Variants in CASZ1 observed in about 807,000 individuals in gnomAD.
CASZ1 encodes castor zinc finger 1.
Under a neutral mutation model 135.2 loss-of-function variants are expected in CASZ1, and 28 were observed. The ratio of observed to expected loss-of-function variants is 0.21; its 90% CI spans 0.15 to 0.28. The LOEUF is 0.28. Among genes scored for constraint, CASZ1 ranks in the 10% least tolerant of loss-of-function variants. The pLI is 1.00. For missense variants in CASZ1, 2,161 were observed against 2,453.3 expected (o/e 0.88, Z 2.52); for synonymous variants, 1,068 against 1,073.4 (o/e 0.99, Z 0.10).
Position 10,653,862 on chromosome 1 carries a change from C to A in CASZ1, c.2195G>T (p.Ser732Ile). Reference sequence around the variant, plus strand: ...GGCGCTCAGGCTGGAGTTCTTGCTGCTCAGGGCGGAGAAGTCAACAAGGTC... The same window carrying A: ...GGCGCTCAGGCTGGAGTTCTTGCTGATCAGGGCGGAGAAGTCAACAAGGTC... Reference protein sequence around the residue: ...NDDLVDFSALSSKNSSLSASP... With the variant: ...NDDLVDFSALISKNSSLSASP... The change falls in exon 11 of 21, where the codon AGC becomes ATC. Residue 732 changes from serine to isoleucine, a missense_variant. Ser to Ile is a moderately radical substitution (Grantham distance 142). Transcript: ENST00000377022. The A allele has an allele frequency of 7.4e-6, 12 of 1,611,862 alleles. No individual in the cohort carries two copies. The highest frequency in any genetic ancestry group is 1.0e-5 in the Non-Finnish European group (12 of 1,178,560).
chr1:10,664,566 A>G (rs1643165117), intron 5 of CASZ1, among the ~76,000 whole-genome samples: 1 of 151,754 alleles, frequency 6.6e-6, no homozygotes, highest in African/African-American at 2.4e-5. Context: ...TAGGGAAGGA[A>G]GAGGAGGCCA....
At position 10,700,080 on chromosome 1, in the gene CASZ1, GACACACAC is replaced by G. The variant is rs572824153; in HGVS notation, c.-24+5404_-24+5411del. Reference sequence around the variant, plus strand: ...AGACAGAGAGAGAAAGAGAGATAGAGACACACACACACACACACACACACACACACACA... The same window carrying G: ...AGACAGAGAGAGAAAGAGAGATAGAGACACACACACACACACACACACACA... On this transcript the variant is annotated intron_variant, in intron 3 of 20. Transcript: ENST00000377022. The surrounding 1 kb of genome is among the most constrained non-coding windows in gnomAD (Gnocchi z 4.2). Among the ~76,000 whole-genome samples the G allele has an allele frequency of 1.9e-3, 251 of 134,080 alleles. 3 individuals are homozygous for G. The highest frequency in any genetic ancestry group is 2.7e-3 in the Non-Finnish European group (171 of 62,390). The allele number at this position is 134,080 out of a possible 152,430, so 88.0% of individuals were successfully genotyped here.
chr1:10,642,509 G>A (rs977949552), intron 20 of CASZ1, among the ~76,000 whole-genome samples: 12 of 152,002 alleles, frequency 7.9e-5, no homozygotes, highest in African/African-American at 2.9e-4. Context: ...GCGGGGCAGT[G>A]CCAGGGGTCA....
Position 10,714,750 on chromosome 1 carries a change from A to C in CASZ1, c.-76-9206T>G, listed in dbSNP as rs1182267187. On this transcript the variant is annotated intron_variant, in intron 2 of 20. Coordinates refer to ENST00000377022, the MANE Select transcript of CASZ1 (RefSeq NM_001079843.3). ...ACTCTCTAATCAGGCTGCAGGACAA[A>C]GGTCTGGCCTGACCCTGTCACTTCC... Among the ~76,000 whole-genome samples the C allele has an allele frequency of 6.6e-4, 101 of 152,186 alleles. 4 individuals carry two copies. Among genetic ancestry groups the C allele is most frequent in the Admixed American group, 6.6e-3 (101 of 15,292 alleles).
rs1202746101 is a variant in CASZ1, at chr1:10,735,635, G to A, written c.-77+25066C>T. 1.3e-5 allele frequency among the ~76,000 whole-genome samples: 2 copies of A among 152,196 alleles called. No homozygotes were observed. Among genetic ancestry groups the A allele is most frequent in the African/African-American group, 2.4e-5 (1 of 41,444 alleles). ...TTTACCCATCCCAAATGACTCTCCC[G>A]GTTTCTGTGCCCTGAGCTCTCAGAG... On this transcript the variant is annotated intron_variant, in intron 2 of 20. Transcript: ENST00000377022. This position sits in a 1 kb window ranked among gnomAD's most constrained non-coding sequence, Gnocchi z 5.1.
In CASZ1 at chr1:10,729,265, C is replaced by T. The variant is rs532877143; in HGVS notation, c.-76-23721G>A. ...GCGCTGGCGCTAATGGGAAGCAAGA[C>T]GGCTGCAGGGGGGCTTCCTGGGGGA... On this transcript the variant is annotated intron_variant, in intron 2 of 20. Transcript: ENST00000377022. Among the ~76,000 whole-genome samples the T allele has an allele frequency of 2.0e-5, 3 of 152,262 alleles. No individual in the cohort carries two copies. The East Asian group carries it at 5.8e-4, about 29-fold the overall frequency.
At chr1:10,683,330 A>G (rs918221031) in intron 4 of CASZ1, among the ~76,000 whole-genome samples, 10 of 152,116 alleles carry the variant, frequency 6.6e-5, no homozygotes, top group African/African-American at 2.4e-4. Flanking sequence ...ATTACAACCA[A>G]GCAAAGACCT....
At chr1:10,696,016 C>A (rs768192669) in intron 3 of CASZ1, among the ~76,000 whole-genome samples, 1 of 152,322 alleles carries the variant, frequency 6.6e-6, no homozygotes, top group Non-Finnish European at 1.5e-5. Flanking sequence ...CCAGGCTTCC[C>A]TGGTCTTTGG....
chr1:10,740,720 G>A (rs986331075), intron 2 of CASZ1, among the ~76,000 whole-genome samples: 18 of 152,280 alleles, frequency 1.2e-4, no homozygotes, highest in African/African-American at 4.1e-4. Context: ...ATGCCAAGGC[G>A]GGTGGATTGC....
intron 1 of CASZ1, among the ~76,000 whole-genome samples, chr1:10,785,094 CCT>C (rs1259777129): frequency 1.6e-4 from 7 of 42,918 alleles, no homozygotes; most frequent in Non-Finnish European, 2.2e-4. Context: ...TCCTTCCTTT[CCT>C]CTCTTTCTTT....
chr1:10,785,127 T>TCC, intron 1 of CASZ1, among the ~76,000 whole-genome samples: 3 of 147,966 alleles, frequency 2.0e-5, no homozygotes, highest in African/African-American at 7.5e-5. Flanking sequence ...CTTCTTTCCT[T>TCC]TCTTCCTTCC....
In CASZ1 at chr1:10,707,354, G is replaced by A. The variant is rs529250938; in HGVS notation, c.-76-1810C>T. 3.3e-5 allele frequency among the ~76,000 whole-genome samples: 5 copies of A among 152,138 alleles called. No homozygotes were observed. Among genetic ancestry groups the A allele is most frequent in the Non-Finnish European group, 4.4e-5 (3 of 68,040 alleles). On this transcript the variant is annotated intron_variant, in intron 2 of 20. Transcript: ENST00000377022. The surrounding 1 kb of genome is among the most constrained non-coding windows in gnomAD (Gnocchi z 5.0). ...TAACGACTTGCAGCGCGGTGTTGCCGTCCCCAACCACCCCTGTTTTCTGAC... is the reference window on the plus strand; with the variant it reads ...TAACGACTTGCAGCGCGGTGTTGCCATCCCCAACCACCCCTGTTTTCTGAC...
Position 10,659,772 on chromosome 1 carries a change from T to G in CASZ1, c.1270A>C (p.Thr424Pro). The G allele has an allele frequency of 6.2e-7, 1 of 1,612,822 alleles. No homozygotes were observed. The highest frequency in any genetic ancestry group is 8.5e-7 in the Non-Finnish European group (1 of 1,179,688). ...AAGGTTGACTTCAGGTACTCGGGAG[T>G]GTTGAAGGACAGGGAGGCAGGAGGC... ...PEPPASLSFN[T>P]PEYLKSTFSK... Residue 424 changes from threonine to proline, a missense_variant, in exon 6 of 21, where the codon ACT becomes CCT. Thr to Pro is a conservative substitution (Grantham distance 38). This residue lies in a region of CASZ1 where 590 missense variants were observed against 609.8 expected (regional missense o/e 0.97). Transcript: ENST00000377022.
In CASZ1 at chr1:10,639,084, T is replaced by C; in HGVS notation, c.5138A>G (p.Glu1713Gly). The C allele has an allele frequency of 9.6e-7, 1 of 1,046,622 alleles. No individual in the cohort carries two copies. The highest frequency in any genetic ancestry group is 7.7e-5 in the East Asian group (1 of 12,984). The allele number at this position is 1,046,622 out of a possible 1,614,324, so 64.8% of individuals were successfully genotyped here. ...DEDDDEDDDDEDLRTDSEESL... is the reference protein window; with the variant it reads ...DEDDDEDDDDGDLRTDSEESL... ...CTCCTCCGAGTCGGTGCGCAGGTCC[T>C]CGTCGTCGTCGTCCTCGTCGTCGTC... is the stretch of plus-strand genomic sequence containing the variant. Residue 1713 changes from glutamate (E) to glycine (G), a missense_variant, in exon 21 of 21, where the codon GAG becomes GGG. Transcript: ENST00000377022. The surrounding 1 kb of genome is among the most constrained non-coding windows in gnomAD (Gnocchi z 4.0).
chr1:10,650,843 A>G, intron 12 of CASZ1, 88 bp from the exon 13 acceptor site: 2 of 1,598,034 alleles, frequency 1.3e-6, no homozygotes, highest in Non-Finnish European at 8.6e-7. Flanking sequence ...CTGGGGCTCC[A>G]GCCGAGCCCG....
intron 3 of CASZ1, among the ~76,000 whole-genome samples, chr1:10,696,961 AG>A (rs1349298789): frequency 6.6e-6 from 1 of 152,220 alleles, no homozygotes; most frequent in Admixed American, 6.5e-5. Flanking sequence ...CGGAAGGGAC[AG>A]GACTCGAGAG....
chr1:10,682,638 C>G (rs1638462402), intron 4 of CASZ1, among the ~76,000 whole-genome samples: 1 of 152,248 alleles, frequency 6.6e-6, no homozygotes, highest in African/African-American at 2.4e-5. Context: ...GTTTAATCAC[C>G]TGCTGTTTGT....
chr1:10,795,747 C>A (rs966673451), intron 1 of CASZ1, among the ~76,000 whole-genome samples: 1 of 145,878 alleles, frequency 6.9e-6, no homozygotes, highest in Admixed American at 6.9e-5. Context: ...CGCCACTTGC[C>A]GCGCCTGGAG....
At chr1:10,730,700 G>A (rs1639688018) in intron 2 of CASZ1, among the ~76,000 whole-genome samples, 1 of 152,226 alleles carries the variant, frequency 6.6e-6, no homozygotes. Flanking sequence ...GCTTTCCAGT[G>A]AAAATCAGAC....
Sources: allele counts gnomAD v4.1 joint callset (sites outside exome capture counted in the v4.1 genomes callset), GRCh38; gene constraint gnomAD v4.1.1; regional missense constraint gnomAD v4.1.1; non-coding constraint Gnocchi (gnomAD v3.1); transcripts MANE v1.5; gene names NCBI Gene and HGNC (gene_info 2026-07-23, HGNC 2026-07-21).